Variants in ANGPT2 observed in about 807,000 individuals in gnomAD.
The protein encoded by ANGPT2 is angiopoietin-2.
A neutral mutation model predicts 62.9 loss-of-function variants in ANGPT2; 28 were observed. The observed-to-expected ratio is 0.44, with a 90% CI of 0.33 to 0.61. ANGPT2 has a LOEUF of 0.61. Ranked by LOEUF, ANGPT2 falls within the 20% of genes least tolerant of loss-of-function variation. The pLI, the probability that ANGPT2 is intolerant of heterozygous loss-of-function variation, is 0.03. For synonymous variants in ANGPT2, 284 were observed against 207.8 expected (o/e 1.37, Z -3.15); for missense variants, 727 against 594.9 (o/e 1.22, Z -2.31).
intron 7 of ANGPT2, among the ~76,000 whole-genome samples, chr8:6,511,243 T>A (rs893638136): frequency 6.6e-6 from 1 of 152,188 alleles, no homozygotes; most frequent in East Asian, 1.9e-4. Flanking sequence ...ATTTGGTTAT[T>A]AAGAATGGCC....
At chr8:6,559,868 C>G (rs970959646) in intron 1 of ANGPT2, among the ~76,000 whole-genome samples, 1 of 152,206 alleles carries the variant, frequency 6.6e-6, no homozygotes, top group African/African-American at 2.4e-5. Context: ...ATGAGTTTAT[C>G]TGATCCTTGT....
At chr8:6,533,001 T>C (rs1401360753) in intron 1 of ANGPT2, among the ~76,000 whole-genome samples, 1 of 152,264 alleles carries the variant, frequency 6.6e-6, no homozygotes, top group African/African-American at 2.4e-5. Flanking sequence ...TGATTTTCCT[T>C]TTAACCTACG....
intron 1 of ANGPT2, among the ~76,000 whole-genome samples, chr8:6,562,234 C>T (rs901719160): frequency 4.6e-5 from 7 of 152,174 alleles, no homozygotes; most frequent in Admixed American, 1.3e-4. Flanking sequence ...CTCTGGCTCA[C>T]GGGCTGCTGC....
At chr8:6,540,600 G>A (rs1242002008) in intron 1 of ANGPT2, among the ~76,000 whole-genome samples, 3 of 152,256 alleles carry the variant, frequency 2.0e-5, no homozygotes, top group East Asian at 1.9e-4. Context: ...GTCAGGCCAC[G>A]TCTGCATATA....
chr8:6,524,469 C>G (rs1423460093), intron 3 of ANGPT2, among the ~76,000 whole-genome samples: 2 of 152,192 alleles, frequency 1.3e-5, no homozygotes, highest in Non-Finnish European at 2.9e-5. Flanking sequence ...CTGAAGCCTC[C>G]TGAGTCACTT....
chr8:6,545,229 T>C (rs1224116071), intron 1 of ANGPT2, among the ~76,000 whole-genome samples: 1 of 152,112 alleles, frequency 6.6e-6, no homozygotes, highest in South Asian at 2.1e-4. Flanking sequence ...CCTTCTGGAG[T>C]GCTGAAAATG....
chr8:6,533,380 G>A (rs367697633), intron 1 of ANGPT2, among the ~76,000 whole-genome samples: 7 of 152,188 alleles, frequency 4.6e-5, no homozygotes, highest in African/African-American at 1.7e-4. Flanking sequence ...TTTGGGCTTG[G>A]AGCCAGGGAA....
intron 7 of ANGPT2, among the ~76,000 whole-genome samples, chr8:6,512,570 G>A (rs1815373342): frequency 6.6e-6 from 1 of 152,204 alleles, no homozygotes; most frequent in African/African-American, 2.4e-5. Flanking sequence ...GTTGGTGCCA[G>A]TGGGCACACA....
intron 1 of ANGPT2, among the ~76,000 whole-genome samples, chr8:6,561,739 T>G (rs2515506): frequency 0.99 from 150,385 of 152,306 alleles, 74,273 homozygotes; most frequent in Middle Eastern, 1. Flanking sequence ...AAATTCCAGG[T>G]TCGTTTTGGA....
chr8:6,499,681 A>C lies in ANGPT2; in HGVS notation c.*3420T>G, dbSNP rs572307509. The C allele has an allele frequency of 8.3e-4, 501 of 602,076 alleles. No individual in the cohort carries two copies. Among genetic ancestry groups the C allele is most frequent in the Non-Finnish European group, 1.3e-3 (425 of 337,962 alleles). The allele number at this position is 602,076 out of a possible 1,614,324, so 37.3% of individuals were successfully genotyped here. On this transcript the variant is annotated 3_prime_UTR_variant, in exon 9 of 9. Coordinates refer to ENST00000629816, the MANE Select transcript of ANGPT2 (RefSeq NM_001118887.2). ...CTCAATCAACTTTTTATTAATATTC[A>C]TAACATTTATGCAACATGAAGATTC...
intron 3 of ANGPT2, among the ~76,000 whole-genome samples, chr8:6,525,162 A>G (rs533496545): frequency 6.6e-6 from 1 of 152,346 alleles, no homozygotes; most frequent in East Asian, 1.9e-4. Flanking sequence ...TACCCATTAC[A>G]TATCTCGCCC....
chr8:6,543,680 G>C (rs1379081086), intron 1 of ANGPT2, among the ~76,000 whole-genome samples: 1 of 152,060 alleles, frequency 6.6e-6, no homozygotes, highest in Non-Finnish European at 1.5e-5. Context: ...GCTGAAGTTC[G>C]TGCTTTTCTG....
At chr8:6,555,517 T>C (rs2515503) in intron 1 of ANGPT2, among the ~76,000 whole-genome samples, 150,443 of 151,292 alleles carry the variant, frequency 0.99, 74,805 homozygotes, top group Middle Eastern at 1. Flanking sequence ...GCTGGAGTAC[T>C]ATGGTGCCAT....
intron 5 of ANGPT2, 55 bp downstream of exon 5, chr8:6,519,809 A>C: frequency 2.5e-6 from 4 of 1,593,620 alleles, no homozygotes; most frequent in Non-Finnish European, 3.4e-6. Context: ...TTCCTCACTC[A>C]CTAAAGTGGC....
chr8:6,546,260 G>T (rs1173140912), intron 1 of ANGPT2, among the ~76,000 whole-genome samples: 1 of 152,206 alleles, frequency 6.6e-6, no homozygotes, highest in Non-Finnish European at 1.5e-5. Context: ...AATATTCAAG[G>T]GCAACCCAGC....
intron 1 of ANGPT2, among the ~76,000 whole-genome samples, chr8:6,546,869 T>C (rs547313303): frequency 3.1e-4 from 47 of 152,302 alleles, no homozygotes; most frequent in Admixed American, 9.2e-4. Context: ...AACTAATAAA[T>C]TGTGTAAGAC....
At chr8:6,507,176 G>A (rs1243692001) in intron 8 of ANGPT2, among the ~76,000 whole-genome samples, 1 of 152,206 alleles carries the variant, frequency 6.6e-6, no homozygotes, top group African/African-American at 2.4e-5. Flanking sequence ...GGGATTACAA[G>A]CGGGGGCCAC....
rs567545862 is a variant in ANGPT2, at chr8:6,527,301, G to T, written c.566+254C>A. ...ATTAGCATGCAGAATACTGAGGCAG[G>T]GTTTGGAGGATTACTCTAAGAGGAT... On this transcript the variant is annotated intron_variant, in intron 3 of 8. Transcript: ENST00000629816. Among the ~76,000 whole-genome samples, 9 of 152,294 alleles carry T rather than the reference G, an allele frequency of 5.9e-5. No homozygotes were observed. The South Asian group carries it at 1.9e-3, about 32-fold the overall frequency.
intron 5 of ANGPT2, among the ~76,000 whole-genome samples, chr8:6,517,092 T>C (rs988998946): frequency 3.9e-5 from 6 of 152,206 alleles, no homozygotes; most frequent in Non-Finnish European, 5.9e-5. Flanking sequence ...AGTGTTCAAA[T>C]AGAGTTATCT....
Sources: allele counts gnomAD v4.1 joint callset (sites outside exome capture counted in the v4.1 genomes callset), GRCh38; gene constraint gnomAD v4.1.1; transcripts MANE v1.5; gene names NCBI Gene and HGNC (gene_info 2026-07-23, HGNC 2026-07-21).